The following CARMIL2 variants were observed in gnomAD, a reference collection of about 807,000 sequenced individuals.
The protein encoded by CARMIL2 is capping protein regulator and myosin 1 linker 2.
A neutral mutation model predicts 173.3 loss-of-function variants in CARMIL2; 96 were observed. The ratio of observed to expected loss-of-function variants is 0.55; its 90% CI spans 0.47 to 0.66. The LOEUF (loss-of-function observed/expected upper bound fraction) is 0.66. CARMIL2 is among the 30% of genes least tolerant of loss of function. The pLI is 0.00. For missense variants in CARMIL2, 1,771 were observed against 1,906.7 expected, an observed-to-expected ratio of 0.93 and a Z score of 1.33; for synonymous variants, 830 against 817.1, an observed-to-expected ratio of 1.02 and a Z score of -0.27.
At chr16:67,650,456 C>G in intron 22 of CARMIL2, 1 of 440,626 alleles carries the variant, frequency 2.3e-6, no homozygotes, top group Non-Finnish European at 4.1e-6. Flanking sequence ...ATACGTGACT[C>G]CCCTCCCCTC....
Position 67,649,855 on chromosome 16 carries a change from G to T in CARMIL2, c.1969G>T (p.Val657Leu), listed in dbSNP as rs200383824. 4.2e-5 allele frequency: 67 copies of T among 1,612,746 alleles called. No homozygotes were observed. Among genetic ancestry groups the T allele is most frequent in the Non-Finnish European group, 5.5e-5 (65 of 1,179,806 alleles). ...NHTSALGLLD[V>L]AQALEQNHSL... ...CACATCTGCTTTGGGTCTGCTGGACGTGGCGCAGGCGCTGGAGCAGAACCA... is the reference window on the plus strand; with the variant it reads ...CACATCTGCTTTGGGTCTGCTGGACTTGGCGCAGGCGCTGGAGCAGAACCA... Residue 657 changes from valine to leucine, a missense_variant, in exon 21 of 38, where the codon GTG (valine) becomes TTG (leucine). This residue lies in a region of CARMIL2 where 944 missense variants were observed against 975.6 expected (regional missense o/e 0.97). Transcript: ENST00000334583. This position sits in a 1 kb window ranked among gnomAD's most constrained non-coding sequence, Gnocchi z 6.7.
At position 67,649,663 on chromosome 16, in the gene CARMIL2, G is replaced by T. The variant is rs769526049; in HGVS notation, c.1919+44G>T. ...GTGGGACCAGCGGGCAGGGGGCGCG[G>T]TGGAGAGGAGGGCACCGGGCTAAGG... On this transcript the variant is annotated intron_variant, in intron 20 of 37. Transcript: ENST00000334583. This position sits in a 1 kb window ranked among gnomAD's most constrained non-coding sequence, Gnocchi z 6.7. 1 of 1,560,154 alleles carries T rather than the reference G, an allele frequency of 6.4e-7. No individual in the cohort carries two copies. The highest frequency in any genetic ancestry group is 8.6e-7 in the Non-Finnish European group (1 of 1,156,936).
In CARMIL2 at chr16:67,646,042, G is replaced by A; in HGVS notation, c.211G>A (p.Glu71Lys). Residue 71 changes from glutamate to lysine, a missense_variant, in exon 4 of 38, where the codon GAG becomes AAG. Glu to Lys is a moderately conservative substitution (Grantham distance 56, BLOSUM62 1). Coordinates refer to ENST00000334583, the MANE Select transcript of CARMIL2 (RefSeq NM_001013838.3). The surrounding 1 kb of genome is among the most constrained non-coding windows in gnomAD (Gnocchi z 4.6). The part of the protein sequence containing the change: ...LRVDCTFSYL[E>K]VQAMALQETP... ...GGTGGACTGCACGTTCAGCTACCTG[G>A]AGGTCCAGGCCATGGCGCTGCAGGA... 1.2e-6 allele frequency: 2 copies of A among 1,613,800 alleles called. No homozygotes were observed. Among genetic ancestry groups the A allele is most frequent in the East Asian group, 2.2e-5 (1 of 44,886 alleles).
Position 67,646,620 on chromosome 16 carries a change from C to A in CARMIL2, c.467-94C>A. 1.3e-6 allele frequency: 2 copies of A among 1,568,372 alleles called. No homozygotes were observed. Among genetic ancestry groups the A allele is most frequent in the Non-Finnish European group, 1.8e-6 (2 of 1,139,572 alleles). ...CCAAACTGAACAGAGCCATTCAGGT[C>A]CCAGCCACCACCTAGTCTGTGGGTC... On this transcript the variant is annotated intron_variant, in intron 6 of 37. Transcript: ENST00000334583. This position sits in a 1 kb window ranked among gnomAD's most constrained non-coding sequence, Gnocchi z 4.6.
chr16:67,651,105 T>A lies in CARMIL2; in HGVS notation c.2185-82T>A, dbSNP rs1450654687. 23 of 1,521,654 alleles carry A rather than the reference T, an allele frequency of 1.5e-5. No individual in the cohort carries two copies. The highest frequency in any genetic ancestry group is 1.8e-5 in the Non-Finnish European group (20 of 1,124,328). The allele number at this position is 1,521,654 out of a possible 1,614,324, so 94.3% of individuals were successfully genotyped here. On this transcript the variant is annotated intron_variant, in intron 22 of 37. Transcript: ENST00000334583. This position sits in a 1 kb window ranked among gnomAD's most constrained non-coding sequence, Gnocchi z 4.2. ...GTGTCAGCTTCAGGACCTCCCTCTG[T>A]TAAAGAGCCTGGGAGGAAGGCAGGC...
In CARMIL2 at chr16:67,646,375, C is replaced by T. The variant is rs906694521; in HGVS notation, c.375-51C>T. 2 of 1,607,098 alleles carry T rather than the reference C, an allele frequency of 1.2e-6. No homozygotes were observed. Among genetic ancestry groups the T allele is most frequent in the South Asian group, 1.1e-5 (1 of 90,510 alleles). ...GGAGTGCATGAGAAGGGCTGCTTCC[C>T]ATCCCAGAGGCTGGAAGTCCTTTGC... On this transcript the variant is annotated intron_variant, in intron 5 of 37. Transcript: ENST00000334583. This position sits in a 1 kb window ranked among gnomAD's most constrained non-coding sequence, Gnocchi z 4.6.
rs536464389 is a variant in CARMIL2 at position 67,651,373 on chromosome 16, G to C, written c.2314-28G>C. The stretch of plus-strand genomic sequence containing the variant: ...TCCCCTCTTAGTCAGGTGTCAGCTC[G>C]CAACTGCTTTTCCTCTTTGGCCCTC... On this transcript the variant is annotated intron_variant, in intron 23 of 37. Coordinates refer to ENST00000334583, the MANE Select transcript of CARMIL2 (RefSeq NM_001013838.3). This position sits in a 1 kb window ranked among gnomAD's most constrained non-coding sequence, Gnocchi z 4.2. The C allele has an allele frequency of 1.2e-6, 2 of 1,600,606 alleles. No homozygotes were observed. Among genetic ancestry groups the C allele is most frequent in the South Asian group, 2.2e-5 (2 of 90,226 alleles).
intron 32 of CARMIL2, 29 bp from the exon 33 acceptor site, chr16:67,656,002 C>G (rs765532330): frequency 1.3e-6 from 2 of 1,572,810 alleles, no homozygotes; most frequent in East Asian, 4.7e-5. Context: ...GCGGGCAGGG[C>G]TGGAATCTGA....
rs1217870680 is a variant in CARMIL2 at position 67,649,488 on chromosome 16, G to T, written c.1788G>T (p.Leu596=). Reference sequence around the variant, plus strand: ...CGGTGGCTGAGTCTCGGCTGAAGCTGGGTGCCAGCGTCCTACTCCGGGCCC... The same window carrying T: ...CGGTGGCTGAGTCTCGGCTGAAGCTTGGTGCCAGCGTCCTACTCCGGGCCC... ...SLSVAESRLK[L]GASVLLRALA... is the part of the protein sequence containing the mutation. The change falls in exon 20 of 38, where the codon CTG becomes CTT. Residue 596 remains leucine, a synonymous_variant. Coordinates refer to ENST00000334583, the MANE Select transcript of CARMIL2 (RefSeq NM_001013838.3). The surrounding 1 kb of genome is among the most constrained non-coding windows in gnomAD (Gnocchi z 6.7). The T allele has an allele frequency of 1.2e-6, 2 of 1,610,480 alleles. No homozygotes were observed. The highest frequency in any genetic ancestry group is 1.7e-6 in the Non-Finnish European group (2 of 1,179,886).
rs775760886 is a variant in CARMIL2 at position 67,646,023 on chromosome 16, C to G, written c.192C>G (p.Asp64Glu). The change falls in exon 4 of 38, where the codon GAC becomes GAG. Residue 64 changes from aspartate (D) to glutamate (E), a missense_variant. By Grantham distance (45) the Asp-to-Glu change is conservative. Coordinates refer to ENST00000334583, the MANE Select transcript of CARMIL2 (RefSeq NM_001013838.3). This position sits in a 1 kb window ranked among gnomAD's most constrained non-coding sequence, Gnocchi z 4.6. ...CTGATCTAGGCCCTTTCTAGGTGGA[C>G]TGCACGTTCAGCTACCTGGAGGTCC... The part of the protein sequence containing the change: ...LHTTCLPLRV[D>E]CTFSYLEVQA... 3.1e-6 allele frequency: 5 copies of G among 1,613,660 alleles called. No homozygotes were observed. The East Asian group carries it at 1.1e-4, about 36-fold the overall frequency.
intron 3 of CARMIL2, 63 bp from the exon 4 acceptor site, chr16:67,645,955 G>A (rs867152906): frequency 6.2e-7 from 1 of 1,604,152 alleles, no homozygotes; most frequent in Non-Finnish European, 8.5e-7. Context: ...GCTGCCCAAA[G>A]GACTGGACTT....
intron 11 of CARMIL2, 32 bp from the exon 12 acceptor site, chr16:67,647,643 GGAGGT>G: frequency 8.7e-6 from 14 of 1,601,796 alleles, no homozygotes; most frequent in Non-Finnish European, 1.1e-5. Flanking sequence ...GGCAGCAGGA[GGAGGT>G]GAGACCCACG....
Position 67,649,000 on chromosome 16 carries a change from C to T in CARMIL2, c.1591+26C>T, listed in dbSNP as rs1421558554. 2 of 1,603,514 alleles carry T rather than the reference C, an allele frequency of 1.2e-6. No homozygotes were observed. The highest frequency in any genetic ancestry group is 1.7e-6 in the Non-Finnish European group (2 of 1,175,484). On this transcript the variant is annotated intron_variant, in intron 17 of 37. Transcript: ENST00000334583. This position sits in a 1 kb window ranked among gnomAD's most constrained non-coding sequence, Gnocchi z 6.1. ...GTGAGGCTGCAGGAGAGCCCATCCT[C>T]GCATCATCCACTCGATTCCCAATCC...
In CARMIL2 at chr16:67,653,173, G is replaced by A; in HGVS notation, c.3039G>A (p.Gly1013=). Residue 1013 remains glycine, a synonymous_variant, in exon 29 of 38, where the codon GGG becomes GGA. Transcript: ENST00000334583. This position sits in a 1 kb window ranked among gnomAD's most constrained non-coding sequence, Gnocchi z 7.4. ...CCCGCATGGACCTGCCACTGGCGGG[G>A]CAGCCCCTGCGCCATCCGACCCGGG... The part of the protein sequence containing the change: ...PLPRMDLPLA[G]QPLRHPTRAR... 1 of 1,113,676 alleles carries A rather than the reference G, an allele frequency of 9.0e-7. No individual in the cohort carries two copies. 69.0% of individuals were successfully genotyped at this position (1,113,676 alleles called of 1,614,324 possible).
intron 12 of CARMIL2, 37 bp downstream of exon 12, chr16:67,647,803 T>TGGGGGG: frequency 3.9e-6 from 1 of 258,438 alleles, no homozygotes; most frequent in Non-Finnish European, 6.3e-6. Flanking sequence ...GGGAGGGGGG[T>TGGGGGG]GGGGGTCTGT....
chr16:67,648,273 C>T lies in CARMIL2; in HGVS notation c.1293C>T (p.Ser431=), dbSNP rs763460081. Residue 431 remains serine, a synonymous_variant, in exon 14 of 38, where the codon AGC becomes AGT. Coordinates refer to ENST00000334583, the MANE Select transcript of CARMIL2 (RefSeq NM_001013838.3). The surrounding 1 kb of genome is among the most constrained non-coding windows in gnomAD (Gnocchi z 6.1). The part of the protein sequence containing the change: ...FAAVSRGCCT[S]LTHLDASRNV... The stretch of plus-strand genomic sequence containing the variant: ...CGGTATCCCGAGGCTGCTGCACCAG[C>T]CTTACCCACCTCGACGCTTCGAGGA... 6.3e-7 allele frequency: 1 copy of T among 1,598,476 alleles called. No homozygotes were observed.
In CARMIL2 at chr16:67,647,204, G is replaced by C; in HGVS notation, c.687+13G>C. The C allele has an allele frequency of 6.2e-7, 1 of 1,613,768 alleles. No individual in the cohort carries two copies. Among genetic ancestry groups the C allele is most frequent in the Non-Finnish European group, 8.5e-7 (1 of 1,179,838 alleles). Reference sequence around the variant, plus strand: ...GGACATGAAGCTGGTGAGGGGGTTCGGGGTAAGGGCAGGGAGGGGCCAAGG... The same window carrying C: ...GGACATGAAGCTGGTGAGGGGGTTCCGGGTAAGGGCAGGGAGGGGCCAAGG... On this transcript the variant is annotated intron_variant, in intron 9 of 37. Transcript: ENST00000334583.
At position 67,649,202 on chromosome 16, in the gene CARMIL2, C is replaced by G; in HGVS notation, c.1688+30C>G. 1 of 1,612,904 alleles carries G rather than the reference C, an allele frequency of 6.2e-7. No individual in the cohort carries two copies. Among genetic ancestry groups the G allele is most frequent in the South Asian group, 1.1e-5 (1 of 90,960 alleles). ...GCCCCCACCCTACTCCTGGGCCTCC[C>G]AGACAACACCCCACCACCCCTGTCC... On this transcript the variant is annotated intron_variant, in intron 18 of 37. Transcript: ENST00000334583. This position sits in a 1 kb window ranked among gnomAD's most constrained non-coding sequence, Gnocchi z 6.7.
chr16:67,651,100 C>T lies in CARMIL2; in HGVS notation c.2185-87C>T. On this transcript the variant is annotated intron_variant, in intron 22 of 37. Transcript: ENST00000334583. This position sits in a 1 kb window ranked among gnomAD's most constrained non-coding sequence, Gnocchi z 4.2. ...TAAGGGTGTCAGCTTCAGGACCTCCCTCTGTTAAAGAGCCTGGGAGGAAGG... is the reference window on the plus strand; with the variant it reads ...TAAGGGTGTCAGCTTCAGGACCTCCTTCTGTTAAAGAGCCTGGGAGGAAGG... The T allele has an allele frequency of 6.7e-7, 1 of 1,498,178 alleles. No individual in the cohort carries two copies. The highest frequency in any genetic ancestry group is 2.4e-5 in the East Asian group (1 of 40,984). 92.8% of individuals were successfully genotyped at this position (1,498,178 alleles called of 1,614,324 possible).
Sources: gnomAD v4.1 joint callset for allele counts on GRCh38, gnomAD v4.1.1 for gene constraint, gnomAD v4.1.1 regional missense constraint, Gnocchi (gnomAD v3.1) non-coding constraint, MANE v1.5 for transcripts, NCBI Gene and HGNC (gene_info 2026-07-23, HGNC 2026-07-21) for gene names.